Variants in POC1A observed in about 807,000 individuals in gnomAD.
POC1A encodes the protein POC1 centriolar protein homolog A.
POC1A carries 34 observed loss-of-function variants against 47.8 expected under a neutral mutation model. The observed-to-expected ratio is 0.71, with a 90% confidence interval of 0.54 to 0.95. POC1A has a LOEUF of 0.95. Among genes scored for constraint, POC1A ranks in the 40% least tolerant of loss-of-function variants. POC1A has a pLI of 0.00. For missense variants in POC1A, 466 were observed against 528.3 expected (o/e 0.88, Z 1.16); for synonymous variants, 177 against 207.6 (o/e 0.85, Z 1.27).
At chr3:52,086,131 G>C (rs1470008118) in intron 10 of POC1A, among the ~76,000 whole-genome samples, 1 of 152,158 alleles carries the variant, frequency 6.6e-6, no homozygotes, top group African/African-American at 2.4e-5. Flanking sequence ...GGTGGGACTG[G>C]GGTTCTCCAG....
chr3:52,089,831 C>T (rs1176688960), intron 10 of POC1A, among the ~76,000 whole-genome samples: 1 of 152,080 alleles, frequency 6.6e-6, no homozygotes, highest in African/African-American at 2.4e-5. Flanking sequence ...AAGAGGGATA[C>T]AGAGAGCCCC....
chr3:52,122,799 T>C lies in POC1A; in HGVS notation c.883-322A>G, dbSNP rs532634852. 7.2e-5 allele frequency among the ~76,000 whole-genome samples: 11 copies of C among 152,344 alleles called. No individual in the cohort carries two copies. In the South Asian group the frequency reaches 2.3e-3, roughly 32 times the overall value. ...GGGTTGGCTGCTTCGCAGGCTGAAG[T>C]GTCTGCTTCAACAGCACCACCTTCT... On this transcript the variant is annotated intron_variant, in intron 8 of 10. Transcript: ENST00000296484.
chr3:52,132,716 G>A (rs1216325797), intron 7 of POC1A, among the ~76,000 whole-genome samples: 1 of 152,156 alleles, frequency 6.6e-6, no homozygotes, highest in Non-Finnish European at 1.5e-5. Context: ...CTGCTATGGT[G>A]TGAATGTTTT....
At chr3:52,093,154 G>C (rs902867786) in intron 10 of POC1A, among the ~76,000 whole-genome samples, 3 of 152,214 alleles carry the variant, frequency 2.0e-5, no homozygotes, top group Non-Finnish European at 4.4e-5. Context: ...CCACACCAGA[G>C]GACCCATGGC....
At chr3:52,077,885 C>T (rs1272261517) in intron 10 of POC1A, among the ~76,000 whole-genome samples, 3 of 151,914 alleles carry the variant, frequency 2.0e-5, no homozygotes, top group Admixed American at 6.6e-5. Context: ...GCTGGGCCAA[C>T]GTCAATACAA....
Position 52,091,692 on chromosome 3 carries a change from G to A in POC1A, c.1125+4877C>T, listed in dbSNP as rs188069013. On this transcript the variant is annotated intron_variant, in intron 10 of 10. Coordinates refer to ENST00000296484, the MANE Select transcript of POC1A (RefSeq NM_015426.5). Reference sequence around the variant, plus strand: ...TCTGGGACTTGAGTCCAGCGGTATGGGGACTGTGGAATGTCCACTCCTGTC... The same window carrying A: ...TCTGGGACTTGAGTCCAGCGGTATGAGGACTGTGGAATGTCCACTCCTGTC... 5.5e-3 allele frequency among the ~76,000 whole-genome samples: 840 copies of A among 152,288 alleles called. 10 individuals are homozygous for A. Among genetic ancestry groups the A allele is most frequent in the African/African-American group, 0.02 (820 of 41,554 alleles).
chr3:52,128,905 A>G (rs1276472293), intron 7 of POC1A, among the ~76,000 whole-genome samples: 2 of 152,204 alleles, frequency 1.3e-5, no homozygotes, highest in Admixed American at 6.5e-5. Flanking sequence ...CCAGTATGCA[A>G]CATTTTCAGT....
intron 9 of POC1A, among the ~76,000 whole-genome samples, chr3:52,109,732 C>T (rs1484915287): frequency 6.6e-6 from 1 of 152,078 alleles, no homozygotes; most frequent in Non-Finnish European, 1.5e-5. Flanking sequence ...CAGCAATGTC[C>T]GGACCTTCAA....
rs757744622 is a variant in POC1A at position 52,075,964 on chromosome 3, G to A, written c.1147C>T (p.Arg383Trp). 3.1e-6 allele frequency: 5 copies of A among 1,613,590 alleles called. No individual in the cohort carries two copies. Among genetic ancestry groups the A allele is most frequent in the Non-Finnish European group, 4.2e-6 (5 of 1,179,586 alleles). ...AGCTTGTCTTCTGTCAGTGTCAACC[G>A]CTGCTCCAGAATGGAGACTGTCTGC... The part of the protein sequence containing the change: ...LTQTVSILEQ[R>W]LTLTEDKLKQ... The change falls in exon 11 of 11, where the codon CGG becomes TGG. Residue 383 changes from arginine (R) to tryptophan (W), a missense_variant. Physicochemically the swap from Arg to Trp is moderately radical, Grantham distance 101. Coordinates refer to ENST00000296484, the MANE Select transcript of POC1A (RefSeq NM_015426.5).
At chr3:52,130,665 C>A (rs1410606774) in intron 7 of POC1A, among the ~76,000 whole-genome samples, 1 of 152,208 alleles carries the variant, frequency 6.6e-6, no homozygotes, top group Non-Finnish European at 1.5e-5. Context: ...TCCTGAGCAT[C>A]AAAACAGTCC....
rs930587977 is a variant in POC1A, at chr3:52,090,102, A to C, written c.1125+6467T>G. Among the ~76,000 whole-genome samples the C allele has an allele frequency of 4.6e-5, 7 of 152,156 alleles. No individual in the cohort carries two copies. The highest frequency in any genetic ancestry group is 1.0e-4 in the Non-Finnish European group (7 of 68,020). On this transcript the variant is annotated intron_variant, in intron 10 of 10. Transcript: ENST00000296484. This position sits in a 1 kb window ranked among gnomAD's most constrained non-coding sequence, Gnocchi z 4.2. ...ATGACTTGAACACTTAACAAAATCG[A>C]ATGCCAAAGAGACCCAAACAAGCAG... is the stretch of plus-strand genomic sequence containing the variant.
intron 8 of POC1A, among the ~76,000 whole-genome samples, chr3:52,124,338 C>T (rs1459480859): frequency 1.3e-5 from 2 of 152,206 alleles, no homozygotes; most frequent in African/African-American, 4.8e-5. Context: ...CTGGACTAGG[C>T]CCCAGAAGCA....
chr3:52,136,019 AAAGT>A (rs1407773902), intron 7 of POC1A, among the ~76,000 whole-genome samples: 1 of 151,912 alleles, frequency 6.6e-6, no homozygotes, highest in Non-Finnish European at 1.5e-5. Context: ...AGCAAGGATT[AAAGT>A]AAGTGCAGAG....
At chr3:52,101,143 T>A (rs1389023102) in intron 9 of POC1A, among the ~76,000 whole-genome samples, 1 of 146,908 alleles carries the variant, frequency 6.8e-6, no homozygotes, top group Non-Finnish European at 1.5e-5. Flanking sequence ...AACAGCAGCC[T>A]ATCTAGGGAG....
At chr3:52,099,448 C>T (rs780557182) in intron 9 of POC1A, among the ~76,000 whole-genome samples, 6 of 152,184 alleles carry the variant, frequency 3.9e-5, no homozygotes, top group African/African-American at 1.4e-4. Context: ...GGCAGAATAA[C>T]CCAAGCAGCA....
At chr3:52,149,580 T>C (rs1435381503) in intron 3 of POC1A, among the ~76,000 whole-genome samples, 191 bp from the exon 4 acceptor site, 1 of 152,192 alleles carries the variant, frequency 6.6e-6, no homozygotes, top group African/African-American at 2.4e-5. Flanking sequence ...CCCACCCACA[T>C]GAACACAGCA....
intron 9 of POC1A, among the ~76,000 whole-genome samples, chr3:52,108,613 A>G (rs1437551520): frequency 2.0e-5 from 3 of 152,170 alleles, no homozygotes; most frequent in Non-Finnish European, 4.4e-5. Context: ...GCATCACAGG[A>G]CACGAGCAAA....
At position 52,149,809 on chromosome 3, in the gene POC1A, G is replaced by A. The variant is rs776612790; in HGVS notation, c.275+7C>T. 6 of 1,611,802 alleles carry A rather than the reference G, an allele frequency of 3.7e-6. No homozygotes were observed. The highest frequency in any genetic ancestry group is 1.7e-5 in the Admixed American group (1 of 59,774). The stretch of plus-strand genomic sequence containing the variant: ...TCCAACAAGCCTCCTCAAAGTGTAC[G>A]ACTCACACATTGGGTACCCAGATGC... On this transcript the variant is annotated splice_region_variant and intron_variant, in intron 3 of 10. Transcript: ENST00000296484.
chr3:52,102,368 G>A (rs1178383874), intron 9 of POC1A, among the ~76,000 whole-genome samples: 1 of 152,192 alleles, frequency 6.6e-6, no homozygotes, highest in East Asian at 1.9e-4. Context: ...GGCACTAAGG[G>A]AGAATGCTGC....
Sources: allele counts gnomAD v4.1 joint callset (sites outside exome capture counted in the v4.1 genomes callset), GRCh38; gene constraint gnomAD v4.1.1; non-coding constraint Gnocchi (gnomAD v3.1); transcripts MANE v1.5; gene names NCBI Gene and HGNC (gene_info 2026-07-23, HGNC 2026-07-21).